Variants in OSBPL10 observed in about 807,000 individuals in gnomAD.
The protein encoded by OSBPL10 is oxysterol-binding protein-related protein 10.
OSBPL10 carries 49 observed loss-of-function variants against 81.7 expected under a neutral mutation model. The observed-to-expected ratio is 0.60, with a 90% CI of 0.48 to 0.76. The LOEUF is 0.76. Among genes scored for constraint, OSBPL10 ranks in the 30% least tolerant of loss-of-function variants. OSBPL10 has a pLI of 0.00. For missense variants in OSBPL10, 923 were observed against 987.8 expected (o/e 0.93, Z 0.88); for synonymous variants, 419 against 383.6 (o/e 1.09, Z -1.08).
At chr3:31,723,254 T>C (rs1055827660) in intron 6 of OSBPL10, among the ~76,000 whole-genome samples, 1 of 152,178 alleles carries the variant, frequency 6.6e-6, no homozygotes, top group Admixed American at 6.5e-5. Context: ...CACACTGTTA[T>C]CTGAGAGAGA....
intron 10 of OSBPL10, 111 bp downstream of exon 10, chr3:31,668,530 AT>A (rs1432391646): frequency 1.3e-5 from 13 of 987,972 alleles, no homozygotes; most frequent in Non-Finnish European, 1.7e-5. Context: ...GTAGAACATG[AT>A]TCCTGGCCTG....
chr3:31,930,673 T>C (rs11719084), intron 1 of OSBPL10, among the ~76,000 whole-genome samples: 2 of 151,942 alleles, frequency 1.3e-5, no homozygotes, highest in African/African-American at 4.8e-5. Context: ...TATGGAATGA[T>C]CTTTAAAAAA....
intron 5 of OSBPL10, among the ~76,000 whole-genome samples, chr3:31,739,992 G>C (rs2125680479): frequency 1.3e-5 from 2 of 151,486 alleles, no homozygotes; most frequent in Middle Eastern, 6.9e-3. Context: ...CTCAAGGCTA[G>C]TGCCTCTTTC....
chr3:31,710,274 GGCT>G (rs3838627), intron 6 of OSBPL10, among the ~76,000 whole-genome samples: 29,897 of 152,038 alleles, frequency 0.2, 4,152 homozygotes, highest in East Asian at 0.59. Flanking sequence ...TGAACACAGT[GGCT>G]GGCACACAAG....
intron 4 of OSBPL10, among the ~76,000 whole-genome samples, chr3:31,754,019 G>A (rs964310867): frequency 1.2e-4 from 18 of 152,160 alleles, no homozygotes; most frequent in African/African-American, 4.1e-4. Context: ...GGCACAGTCA[G>A]TCCTGGTCTC....
intron 2 of OSBPL10, among the ~76,000 whole-genome samples, chr3:32,039,665 A>G (rs1699553339): frequency 1.3e-5 from 2 of 152,122 alleles, no homozygotes; most frequent in Admixed American, 6.6e-5. Context: ...TCTCAAAAAA[A>G]AAGAAAATAT....
intron 1 of OSBPL10, among the ~76,000 whole-genome samples, chr3:32,074,182 GAACTTCT>G (rs1699855490): frequency 6.6e-6 from 1 of 152,052 alleles, no homozygotes; most frequent in South Asian, 2.1e-4. Context: ...CCCGCCTGAG[GAACTTCT>G]TTACTTTCTA....
chr3:31,672,395 GGA>G (rs1330982084), intron 8 of OSBPL10, among the ~76,000 whole-genome samples: 1 of 127,636 alleles, frequency 7.8e-6, no homozygotes, highest in Non-Finnish European at 1.7e-5. Flanking sequence ...AGAGGGAGAG[GGA>G]GAGAGAGAGA....
chr3:31,910,444 G>C (rs987770356), intron 1 of OSBPL10, among the ~76,000 whole-genome samples: 1 of 150,976 alleles, frequency 6.6e-6, no homozygotes, highest in African/African-American at 2.4e-5. Flanking sequence ...AGACCAGCCT[G>C]GCCAACATGG....
intron 4 of OSBPL10, among the ~76,000 whole-genome samples, chr3:31,816,967 C>A (rs1292936456): frequency 6.6e-6 from 1 of 152,186 alleles, no homozygotes; most frequent in Admixed American, 6.5e-5. Flanking sequence ...CTCCACTCTG[C>A]AGCTCATCAT....
At position 31,661,636 on chromosome 3, in the gene OSBPL10, G is replaced by A. The variant is rs13078246; in HGVS notation, c.*436C>T. On this transcript the variant is annotated 3_prime_UTR_variant, in exon 12 of 12. Transcript: ENST00000396556. ...ACTTTCTCCCTTATGGACAGTGATC[G>A]GGCCATGCCAGTTCACCTTCATTTT... 2,430 of 153,370 alleles carry A rather than the reference G, an allele frequency of 0.016. 32 individuals carry two copies. The highest frequency in any genetic ancestry group is 0.026 in the Middle Eastern group (8 of 304). 9.5% of individuals were successfully genotyped at this position (153,370 alleles called of 1,614,324 possible).
intron 3 of OSBPL10, among the ~76,000 whole-genome samples, chr3:31,836,903 T>C (rs1168007326): frequency 1.3e-5 from 2 of 152,204 alleles, no homozygotes; most frequent in Admixed American, 6.5e-5. Context: ...GCATTTCTCA[T>C]GCTTTGGAAC....
At chr3:31,811,788 T>A (rs768484949) in intron 4 of OSBPL10, among the ~76,000 whole-genome samples, 1 of 152,052 alleles carries the variant, frequency 6.6e-6, no homozygotes, top group African/African-American at 2.4e-5. Flanking sequence ...GTGGTAACAG[T>A]AGTTGCCCAT....
intron 4 of OSBPL10, among the ~76,000 whole-genome samples, chr3:31,790,304 G>C (rs1408047924): frequency 3.3e-5 from 5 of 152,154 alleles, no homozygotes; most frequent in Non-Finnish European, 7.3e-5. Flanking sequence ...TGCCAGCCAA[G>C]GGTGTAAATT....
chr3:31,964,177 T>C (rs991469442), intron 1 of OSBPL10, among the ~76,000 whole-genome samples: 5 of 152,024 alleles, frequency 3.3e-5, no homozygotes, highest in African/African-American at 1.2e-4. Flanking sequence ...CATTGTTTGA[T>C]ACAGGGTCTC....
At chr3:31,768,897 G>C (rs1698277223) in intron 4 of OSBPL10, among the ~76,000 whole-genome samples, 1 of 152,160 alleles carries the variant, frequency 6.6e-6, no homozygotes, top group Non-Finnish European at 1.5e-5. Flanking sequence ...AAGGGTCTTA[G>C]AGCTCTGAAA....
intron 8 of OSBPL10, among the ~76,000 whole-genome samples, chr3:31,675,215 G>C (rs1026025496): frequency 6.6e-6 from 1 of 152,146 alleles, no homozygotes; most frequent in Non-Finnish European, 1.5e-5. Flanking sequence ...ATGTCTAGCA[G>C]GAAACCTCTA....
At chr3:32,049,220 C>G (rs1699650366) in intron 1 of OSBPL10, among the ~76,000 whole-genome samples, 1 of 152,192 alleles carries the variant, frequency 6.6e-6, no homozygotes, top group Admixed American at 6.5e-5. Context: ...TCCTAATAAA[C>G]TTGCTTTTAC....
chr3:31,955,241 GGTATAT>G (rs1331671915), intron 1 of OSBPL10, among the ~76,000 whole-genome samples: 1 of 152,168 alleles, frequency 6.6e-6, no homozygotes, highest in African/African-American at 2.4e-5. Flanking sequence ...ATACACCAGA[GGTATAT>G]GCTAGACACT....
Sources: allele counts gnomAD v4.1 joint callset (sites outside exome capture counted in the v4.1 genomes callset), GRCh38; gene constraint gnomAD v4.1.1; transcripts MANE v1.5; gene names NCBI Gene and HGNC (gene_info 2026-07-23, HGNC 2026-07-21).